PCDH9: variants seen among roughly 807,000 people sequenced by gnomAD.
PCDH9 encodes protocadherin 9.
In PCDH9, 24 loss-of-function variants were observed where a neutral mutation model predicts 70.6. The observed-to-expected ratio is 0.34, with a 90% CI of 0.25 to 0.48. The LOEUF is 0.48. PCDH9 is among the 20% of genes least tolerant of loss of function. The pLI is 0.99. For synonymous variants in PCDH9, 562 were observed against 558.5 expected (o/e 1.01, Z -0.09); for missense variants, 1,281 against 1,503.6 (o/e 0.85, Z 2.45).
At chr13:66,394,412 A>G (rs1957068589) in intron 4 of PCDH9, among the ~76,000 whole-genome samples, 1 of 152,188 alleles carries the variant, frequency 6.6e-6, no homozygotes, top group African/African-American at 2.4e-5. Flanking sequence ...AGTGGAAAAG[A>G]AAAGAAAATC....
chr13:66,531,362 C>A (rs1451114587), intron 4 of PCDH9, among the ~76,000 whole-genome samples: 1 of 152,026 alleles, frequency 6.6e-6, no homozygotes, highest in Non-Finnish European at 1.5e-5. Flanking sequence ...AATGGATTGC[C>A]ATGGTGTACT....
intron 3 of PCDH9, among the ~76,000 whole-genome samples, chr13:66,847,304 C>CTTGTTTTATAAA (rs2081228766): frequency 6.6e-6 from 1 of 152,034 alleles, no homozygotes; most frequent in Non-Finnish European, 1.5e-5. Flanking sequence ...TATTTCACAC[C>CTTGTTTTATAAA]AACAAGTTTT....
intron 3 of PCDH9, among the ~76,000 whole-genome samples, chr13:66,718,597 A>G (rs1178361035): frequency 6.6e-6 from 1 of 152,218 alleles, no homozygotes; most frequent in Non-Finnish European, 1.5e-5. Context: ...GGCAAAAAAT[A>G]AAAGGCATAA....
chr13:67,002,751 C>T (rs9540967), intron 2 of PCDH9, among the ~76,000 whole-genome samples: 13,896 of 151,998 alleles, frequency 0.091, 748 homozygotes, highest in Non-Finnish European at 0.12. Flanking sequence ...TGCCATCCAA[C>T]TCTACTTTTA....
chr13:66,813,541 G>A (rs1297807390), intron 3 of PCDH9, among the ~76,000 whole-genome samples: 4 of 150,714 alleles, frequency 2.7e-5, no homozygotes, highest in African/African-American at 9.8e-5. Flanking sequence ...GAAGGAAGGA[G>A]AGGAGGAAAC....
At chr13:66,357,779 G>A (rs1956409472) in intron 4 of PCDH9, among the ~76,000 whole-genome samples, 1 of 151,992 alleles carries the variant, frequency 6.6e-6, no homozygotes, top group African/African-American at 2.4e-5. Flanking sequence ...CTCACAATAA[G>A]TTCTCTGCAG....
intron 2 of PCDH9, among the ~76,000 whole-genome samples, chr13:67,175,032 A>C (rs2088413064): frequency 6.6e-6 from 1 of 151,598 alleles, no homozygotes; most frequent in East Asian, 1.9e-4. Flanking sequence ...GCTACTTGGG[A>C]GGCTGAGATG....
chr13:66,739,404 C>G (rs963206777), intron 3 of PCDH9, among the ~76,000 whole-genome samples: 3 of 151,010 alleles, frequency 2.0e-5, no homozygotes, highest in Non-Finnish European at 4.4e-5. Flanking sequence ...AATATAAAGA[C>G]CATAGAGACT....
intron 2 of PCDH9, among the ~76,000 whole-genome samples, chr13:66,990,334 A>C (rs1383962849): frequency 6.6e-6 from 1 of 151,794 alleles, no homozygotes. Flanking sequence ...AGTACTTGTT[A>C]ATACAGTTCA....
At chr13:67,061,223 A>G (rs1003409516) in intron 2 of PCDH9, among the ~76,000 whole-genome samples, 1 of 152,080 alleles carries the variant, frequency 6.6e-6, no homozygotes, top group African/African-American at 2.4e-5. Context: ...ACCCTAATTT[A>G]AGCAGTTGAG....
rs932574072 is a variant in PCDH9 at position 66,839,796 on chromosome 13, A to C, written c.3138+63708T>G. Among the ~76,000 whole-genome samples the C allele has an allele frequency of 1.2e-4, 18 of 151,960 alleles. 1 individual carries two copies. Among genetic ancestry groups the C allele is most frequent in the African/African-American group, 2.9e-4 (12 of 41,358 alleles). ...CTGGTGTGCTATCCCACCTCCAAAC[A>C]CTTGTCAATTATTTTTCACTGCCAC... On this transcript the variant is annotated intron_variant, in intron 3 of 4. Transcript: ENST00000377865.
At chr13:66,645,631 G>A (rs2077761210) in intron 3 of PCDH9, among the ~76,000 whole-genome samples, 2 of 152,072 alleles carry the variant, frequency 1.3e-5, no homozygotes, top group South Asian at 4.1e-4. Context: ...TGTAAATGTG[G>A]AGAAAATATT....
chr13:66,788,731 C>CA (rs994019507), intron 3 of PCDH9, among the ~76,000 whole-genome samples: 16 of 100,722 alleles, frequency 1.6e-4, no homozygotes, highest in African/African-American at 2.0e-4. Flanking sequence ...CAAAATAAAA[C>CA]AAAAAAAATC....
At chr13:67,066,302 C>T (rs1166927722) in intron 2 of PCDH9, among the ~76,000 whole-genome samples, 4 of 151,964 alleles carry the variant, frequency 2.6e-5, no homozygotes, top group South Asian at 4.1e-4. Flanking sequence ...GGCACCATCT[C>T]GGCTCACTGC....
chr13:66,383,291 T>G (rs553058381), intron 4 of PCDH9, among the ~76,000 whole-genome samples: 1 of 152,322 alleles, frequency 6.6e-6, no homozygotes, highest in East Asian at 1.9e-4. Flanking sequence ...TCCTTCTTCG[T>G]ACATATTTTA....
chr13:66,346,859 A>G (rs1193785278), intron 4 of PCDH9, among the ~76,000 whole-genome samples: 1 of 152,158 alleles, frequency 6.6e-6, no homozygotes. Context: ...TGTGAATTAC[A>G]AACACTCTAA....
chr13:66,738,486 G>C (rs951676352), intron 3 of PCDH9, among the ~76,000 whole-genome samples: 1,610 of 146,470 alleles, frequency 0.011, 12 homozygotes, highest in Non-Finnish European at 0.018. Context: ...AACAAAGCTG[G>C]ATGGAGAATG....
chr13:66,409,274 T>C (rs1957332206), intron 4 of PCDH9, among the ~76,000 whole-genome samples: 1 of 152,238 alleles, frequency 6.6e-6, no homozygotes, highest in Non-Finnish European at 1.5e-5. Flanking sequence ...TATGTTCCCT[T>C]ACTGTGAATT....
chr13:66,333,950 G>A (rs1487736750), intron 4 of PCDH9, among the ~76,000 whole-genome samples: 1 of 151,936 alleles, frequency 6.6e-6, no homozygotes, highest in East Asian at 1.9e-4. Flanking sequence ...AATTATACAT[G>A]TGATATTTTG....
Sources: gnomAD v4.1 joint callset for allele counts (sites outside exome capture counted in the v4.1 genomes callset) on GRCh38, gnomAD v4.1.1 for gene constraint, MANE v1.5 for transcripts, NCBI Gene and HGNC (gene_info 2026-07-23, HGNC 2026-07-21) for gene names.